The following SVBP variants were observed in gnomAD, a reference collection of about 807,000 sequenced individuals.
The protein encoded by SVBP is small vasohibin-binding protein.
SVBP carries 9 observed loss-of-function variants against 9.2 expected under a neutral mutation model. The ratio of observed to expected loss-of-function variants is 0.98; its 90% confidence interval spans 0.59 to 1.71. The LOEUF is 1.71. Among genes scored for constraint, SVBP ranks in the 40% most tolerant of loss-of-function variants. The probability of loss-of-function intolerance (pLI) is 0.00; values close to 1 mark genes in which losing one functional copy is unlikely to be tolerated. For missense variants in SVBP, 63 were observed against 73.2 expected (o/e 0.86, Z 0.51); for synonymous variants, 27 against 23.9 (o/e 1.13, Z -0.37).
rs767112660 is a variant in SVBP at position 42,816,417 on chromosome 1, C to G, written c.114+14G>C. 6.4e-7 allele frequency: 1 copy of G among 1,569,268 alleles called. No individual in the cohort carries two copies. The highest frequency in any genetic ancestry group is 8.8e-7 in the Non-Finnish European group (1 of 1,139,794). On this transcript the variant is annotated intron_variant, in intron 2 of 2. Transcript: ENST00000372521. ...GCAGACTACAGGCATACAGAGCCTCCGCCTTAATCTCACCTCTGCTCTTTG... is the reference window on the plus strand; with the variant it reads ...GCAGACTACAGGCATACAGAGCCTCGGCCTTAATCTCACCTCTGCTCTTTG...
chr1:42,813,860 G>C (rs1396432183), intron 2 of SVBP: 1 of 308,068 alleles, frequency 3.2e-6, no homozygotes, highest in African/African-American at 2.2e-5. Context: ...CCCGGATCCA[G>C]GTGGGAATGG....
At chr1:42,811,314 C>T (rs1344542010) in intron 2 of SVBP, among the ~76,000 whole-genome samples, 1 of 152,238 alleles carries the variant, frequency 6.6e-6, no homozygotes, top group Non-Finnish European at 1.5e-5. Context: ...TACTGCCTAC[C>T]TCACAAGGCC....
At chr1:42,815,047 G>C (rs552804156) in intron 2 of SVBP, among the ~76,000 whole-genome samples, 2 of 152,220 alleles carry the variant, frequency 1.3e-5, no homozygotes, top group East Asian at 1.9e-4. Flanking sequence ...CATAAAAAGG[G>C]ATGAGTTCAT....
At chr1:42,808,185 T>A (rs1654007052) in intron 2 of SVBP, among the ~76,000 whole-genome samples, 2 of 116,020 alleles carry the variant, frequency 1.7e-5, no homozygotes, top group Admixed American at 8.9e-5. Flanking sequence ...ATATACATAC[T>A]ATGTATAGTA....
At chr1:42,813,448 G>A (rs1347786535) in intron 2 of SVBP, 2 of 566,938 alleles carry the variant, frequency 3.5e-6, no homozygotes, top group Admixed American at 3.9e-5. Context: ...GGCCAAAACT[G>A]GATTCAAAGG....
At chr1:42,816,761 G>T in intron 1 of SVBP, 181 bp from the exon 2 acceptor site, 2 of 510,976 alleles carry the variant, frequency 3.9e-6, no homozygotes, top group Non-Finnish European at 6.9e-6. Context: ...AACCTCGCTG[G>T]GTGTCCCTGG....
At position 42,817,206 on chromosome 1, in the gene SVBP, A is replaced by G; in HGVS notation, c.-53T>C. 1.6e-6 allele frequency: 2 copies of G among 1,256,028 alleles called. No homozygotes were observed. Among genetic ancestry groups the G allele is most frequent in the Non-Finnish European group, 2.1e-6 (2 of 974,024 alleles). 77.8% of individuals were successfully genotyped at this position (1,256,028 alleles called of 1,614,324 possible). A position where few individuals can be genotyped will look rare whatever the true frequency, so the allele number is the denominator to read the frequency against. Reference sequence around the variant, plus strand: ...AGTCTGTACCTTTCCCGACCGGGCCACTGGAAGTTGGAGCCTCCGCCGAGT... The same window carrying G: ...AGTCTGTACCTTTCCCGACCGGGCCGCTGGAAGTTGGAGCCTCCGCCGAGT... On this transcript the variant is annotated 5_prime_UTR_variant, in exon 1 of 3. Transcript: ENST00000372521.
chr1:42,813,537 AT>A, intron 2 of SVBP: 1 of 533,402 alleles, frequency 1.9e-6, no homozygotes, highest in Non-Finnish European at 3.8e-6. Flanking sequence ...TTTCTTCAAA[AT>A]TTTCATTCTG....
At chr1:42,808,323 G>A (rs1415095832) in intron 2 of SVBP, among the ~76,000 whole-genome samples, 7 of 141,248 alleles carry the variant, frequency 5.0e-5, no homozygotes, top group Non-Finnish European at 7.6e-5. Flanking sequence ...CAGATCCTCC[G>A]CCTCAGCCTC....
At chr1:42,808,347 A>G (rs1390331078) in intron 2 of SVBP, among the ~76,000 whole-genome samples, 1 of 143,884 alleles carries the variant, frequency 7.0e-6, no homozygotes, top group East Asian at 2.1e-4. Flanking sequence ...AAGTGTATAC[A>G]TATATATAAT....
At chr1:42,813,794 T>G in intron 2 of SVBP, 1 of 494,078 alleles carries the variant, frequency 2.0e-6, no homozygotes, top group Non-Finnish European at 4.1e-6. Context: ...GGGCTGTTTC[T>G]TATAGCAACC....
Position 42,807,268 on chromosome 1 carries a change from G to C in SVBP, c.*146C>G, listed in dbSNP as rs1160704082. The C allele has an allele frequency of 4.0e-6, 2 of 495,108 alleles. No homozygotes were observed. The highest frequency in any genetic ancestry group is 3.9e-5 in the African/African-American group (2 of 51,774). 30.7% of individuals were successfully genotyped at this position (495,108 alleles called of 1,614,324 possible). A position where few individuals can be genotyped will look rare whatever the true frequency, so the allele number is the denominator to read the frequency against. ...CAGATGGGAGGAACCAGTGAAGTTA[G>C]AAGTTACACACAGGAAGTGAGTTCA... is the stretch of plus-strand genomic sequence containing the variant. On this transcript the variant is annotated 3_prime_UTR_variant, in exon 3 of 3. Coordinates refer to ENST00000372521, the MANE Select transcript of SVBP (RefSeq NM_199342.4).
chr1:42,817,316 G>T lies in SVBP; in HGVS notation c.-163C>A. 2.6e-6 allele frequency: 3 copies of T among 1,151,836 alleles called. No individual in the cohort carries two copies. Among genetic ancestry groups the T allele is most frequent in the Non-Finnish European group, 3.3e-6 (3 of 897,858 alleles). 71.4% of individuals were successfully genotyped at this position (1,151,836 alleles called of 1,614,324 possible). ...TGCCTGCCCACCGCCCCTCGTCCTGGGCGGGGCCGCGCGCCGGGGGGAGGG... is the reference window on the plus strand; with the variant it reads ...TGCCTGCCCACCGCCCCTCGTCCTGTGCGGGGCCGCGCGCCGGGGGGAGGG... On this transcript the variant is annotated 5_prime_UTR_variant, in exon 1 of 3. Coordinates refer to ENST00000372521, the MANE Select transcript of SVBP (RefSeq NM_199342.4).
intron 2 of SVBP, among the ~76,000 whole-genome samples, chr1:42,810,322 T>G (rs1016875056): frequency 2.0e-5 from 3 of 152,118 alleles, no homozygotes; most frequent in Admixed American, 2.0e-4. Context: ...TAATTTTTTG[T>G]ATTTTAGTAG....
chr1:42,815,363 A>G lies in SVBP; in HGVS notation c.114+1068T>C, dbSNP rs567803309. The stretch of plus-strand genomic sequence containing the variant: ...GCACAGGTACCCTAGAACTTAAAGT[A>G]TAATAATAAAAAATAAAAAATAAAA... On this transcript the variant is annotated intron_variant, in intron 2 of 2. Transcript: ENST00000372521. Among the ~76,000 whole-genome samples, 580 of 151,622 alleles carry G rather than the reference A, an allele frequency of 3.8e-3. 1 individual carries two copies. The highest frequency in any genetic ancestry group is 0.013 in the African/African-American group (555 of 41,324).
intron 2 of SVBP, among the ~76,000 whole-genome samples, chr1:42,815,145 A>T (rs1654169664): frequency 6.8e-6 from 1 of 146,300 alleles, no homozygotes; most frequent in African/African-American, 2.5e-5. Flanking sequence ...GCATGTTCTC[A>T]CTCATAGGTG....
At position 42,817,282 on chromosome 1, in the gene SVBP, A is replaced by T. The variant is rs989877919; in HGVS notation, c.-129T>A. ...ATCCTCGCCTTCCCCCGACCACTGG[A>T]CCCAGCGCTGCCTGCCCACCGCCCC... On this transcript the variant is annotated 5_prime_UTR_variant, in exon 1 of 3. Coordinates refer to ENST00000372521, the MANE Select transcript of SVBP (RefSeq NM_199342.4). The T allele has an allele frequency of 8.2e-7, 1 of 1,221,350 alleles. No individual in the cohort carries two copies. The highest frequency in any genetic ancestry group is 1.1e-6 in the Non-Finnish European group (1 of 951,090). 75.7% of individuals were successfully genotyped at this position (1,221,350 alleles called of 1,614,324 possible).
In SVBP at chr1:42,807,172, A is replaced by ATTTTTTT. The variant is rs1653977589; in HGVS notation, c.*241_*242insAAAAAAA. 4.1e-6 allele frequency: 1 copy of ATTTTTTT among 244,670 alleles called. No homozygotes were observed. The highest frequency in any genetic ancestry group is 6.7e-5 in the Admixed American group (1 of 14,896). The allele number at this position is 244,670 out of a possible 1,614,324, so 15.2% of individuals were successfully genotyped here. On this transcript the variant is annotated 3_prime_UTR_variant, in exon 3 of 3. Transcript: ENST00000372521. ...GTGTGTGTTTTTTTTTTTTTTTTAA[A>ATTTTTTT]AAAACCCAAAAAACAAAACCACTGT...
In SVBP at chr1:42,817,284, C is replaced by G. The variant is rs1466911213; in HGVS notation, c.-131G>C. On this transcript the variant is annotated 5_prime_UTR_variant, in exon 1 of 3. Coordinates refer to ENST00000372521, the MANE Select transcript of SVBP (RefSeq NM_199342.4). ...CCTCGCCTTCCCCCGACCACTGGAC[C>G]CAGCGCTGCCTGCCCACCGCCCCTC... is the stretch of plus-strand genomic sequence containing the variant. The G allele has an allele frequency of 4.1e-6, 5 of 1,215,896 alleles. No homozygotes were observed. In the East Asian group the frequency reaches 2.7e-4, roughly 65 times the overall value. 75.3% of individuals were successfully genotyped at this position (1,215,896 alleles called of 1,614,324 possible).
Sources: gnomAD v4.1 joint callset for allele counts (sites outside exome capture counted in the v4.1 genomes callset) on GRCh38, gnomAD v4.1.1 for gene constraint, MANE v1.5 for transcripts, NCBI Gene and HGNC (gene_info 2026-07-23, HGNC 2026-07-21) for gene names.